The following DIP2A variants were observed in gnomAD, a reference collection of about 807,000 sequenced individuals.
DIP2A encodes the protein DIP2 acetate--CoA ligase A.
DIP2A carries 85 observed loss-of-function variants against 177.4 expected under a neutral mutation model. The observed-to-expected ratio is 0.48, with a 90% CI of 0.40 to 0.57. The LOEUF (loss-of-function observed/expected upper bound fraction) is 0.57, where lower values mean the gene tolerates loss of function less well. Ranked by LOEUF, DIP2A falls within the 20% of genes least tolerant of loss-of-function variation. The pLI is 0.00. For synonymous variants in DIP2A, 886 were observed against 881.8 expected, an observed-to-expected ratio of 1.00 and a Z score of -0.08; for missense variants, 1,791 against 2,100.2, an observed-to-expected ratio of 0.85 and a Z score of 2.88.
rs570508954 is a variant in DIP2A, at chr21:46,467,022, C to T, written c.91+7800C>T. Among the ~76,000 whole-genome samples, 55 of 152,092 alleles carry T rather than the reference C, an allele frequency of 3.6e-4. 1 individual carries two copies. The South Asian group carries it at 9.8e-3, about 27-fold the overall frequency. On this transcript the variant is annotated intron_variant, in intron 1 of 37. Transcript: ENST00000417564. ...AAAATTTTAAATGAGTTAGGCCGGG[C>T]GCGGTGGCTCACGCCTGTAATCCCA...
At chr21:46,561,043 G>A (rs921169658) in intron 33 of DIP2A, 23 of 976,990 alleles carry the variant, frequency 2.4e-5, no homozygotes, top group South Asian at 4.7e-5. Flanking sequence ...CTGTGCGCCC[G>A]TGTCCCCAGG....
chr21:46,504,244 A>G (rs745593610), intron 5 of DIP2A, 117 bp from the exon 6 acceptor site: 4 of 1,370,606 alleles, frequency 2.9e-6, no homozygotes, highest in East Asian at 2.5e-5. Flanking sequence ...AAAATACCAC[A>G]CTCTCCCCAC....
At position 46,563,401 on chromosome 21, in the gene DIP2A, G is replaced by A. The variant is rs1300207243; in HGVS notation, c.4090-457G>A. The stretch of plus-strand genomic sequence containing the variant: ...TGGTGGCCTCTTGCCGTCCTGAATT[G>A]GCACAGAGCCAGTGCTCAGTGGTTG... On this transcript the variant is annotated intron_variant, in intron 34 of 37. Coordinates refer to ENST00000417564, the MANE Select transcript of DIP2A (RefSeq NM_015151.4). This position sits in a 1 kb window ranked among gnomAD's most constrained non-coding sequence, Gnocchi z 4.3. 6.6e-6 allele frequency among the ~76,000 whole-genome samples: 1 copy of A among 152,198 alleles called. No homozygotes were observed. The highest frequency in any genetic ancestry group is 1.9e-4 in the East Asian group (1 of 5,180).
chr21:46,470,065 C>T (rs930374861), intron 1 of DIP2A, among the ~76,000 whole-genome samples: 15 of 152,200 alleles, frequency 9.9e-5, no homozygotes, highest in East Asian at 5.8e-4. Context: ...AGGCCAGGTG[C>T]GGTGGCTCAC....
chr21:46,573,605 CTG>C (rs1372574331), downstream of DIP2A, among the ~76,000 whole-genome samples: 2 of 121,260 alleles, frequency 1.6e-5, no homozygotes, highest in Non-Finnish European at 3.2e-5. Flanking sequence ...GATCACAACA[CTG>C]TACTCCAGCC....
chr21:46,491,280 T>C (rs918076525), intron 3 of DIP2A, among the ~76,000 whole-genome samples: 60 of 152,328 alleles, frequency 3.9e-4, no homozygotes, highest in Non-Finnish European at 7.9e-4. Flanking sequence ...ACGTTATCTA[T>C]TTAATATTTT....
intron 32 of DIP2A, chr21:46,558,657 A>C (rs796344272): frequency 5.5e-5 from 27 of 493,956 alleles, no homozygotes; most frequent in African/African-American, 5.0e-4. Context: ...TCTAAGTTAG[A>C]TATAAAACAC....
intron 1 of DIP2A, among the ~76,000 whole-genome samples, chr21:46,463,531 G>A (rs555282512): frequency 9.9e-5 from 15 of 152,110 alleles, no homozygotes; most frequent in Non-Finnish European, 1.5e-4. Flanking sequence ...TCTTTTTCTT[G>A]ATTTCTTATA....
rs375308812 is a variant in DIP2A, at chr21:46,487,303, A to G, written c.163+2475A>G. 3.7e-4 allele frequency among the ~76,000 whole-genome samples: 57 copies of G among 152,368 alleles called. No individual in the cohort carries two copies. In the South Asian group the frequency reaches 0.011, roughly 29 times the overall value. On this transcript the variant is annotated intron_variant, in intron 2 of 37. Transcript: ENST00000417564. ...ATATGCTGATATTTATTCACCCAAA[A>G]TAAAAACAAACTCAGAGTAAAATTG...
Position 46,561,530 on chromosome 21 carries a change from TG to T in DIP2A, c.4032-214del, listed in dbSNP as rs1012574571. The T allele has an allele frequency of 3.5e-4, 228 of 651,766 alleles. 2 individuals carry two copies. Among genetic ancestry groups the T allele is most frequent in the Admixed American group, 1.1e-3 (51 of 45,200 alleles). 40.4% of individuals were successfully genotyped at this position (651,766 alleles called of 1,614,324 possible). ...TGTAGAGTGAGCTGCTGTGAGCACA[TG>T]GGGTGGGTGGCGAGTGCATGCGGGT... On this transcript the variant is annotated intron_variant, in intron 33 of 37. Coordinates refer to ENST00000417564, the MANE Select transcript of DIP2A (RefSeq NM_015151.4).
In DIP2A at chr21:46,563,836, G is replaced by A. The variant is rs1222076781; in HGVS notation, c.4090-22G>A. The A allele has an allele frequency of 4.3e-6, 7 of 1,611,928 alleles. No individual in the cohort carries two copies. Among genetic ancestry groups the A allele is most frequent in the Non-Finnish European group, 5.9e-6 (7 of 1,179,396 alleles). The stretch of plus-strand genomic sequence containing the variant: ...TCGTGTCATGTTTTCTTTAACAAGG[G>A]ACATAGCTCTCCTCCTTCCAGATCC... On this transcript the variant is annotated intron_variant, in intron 34 of 37. Coordinates refer to ENST00000417564, the MANE Select transcript of DIP2A (RefSeq NM_015151.4). This position sits in a 1 kb window ranked among gnomAD's most constrained non-coding sequence, Gnocchi z 4.3.
the DIP2A span, among the ~76,000 whole-genome samples, chr21:46,577,168 C>G: frequency 6.6e-6 from 1 of 152,110 alleles, no homozygotes; most frequent in African/African-American, 2.4e-5. Context: ...GCTTTTGTTG[C>G]AATTGCTTTT....
At chr21:46,547,169 A>G (rs1160053158) in intron 21 of DIP2A, 127 bp downstream of exon 21, 2 of 1,450,642 alleles carry the variant, frequency 1.4e-6, no homozygotes, top group African/African-American at 2.8e-5. Context: ...TGTACATCAG[A>G]AAACTCCTAA....
At chr21:46,565,405 T>C (rs1447280681) in intron 35 of DIP2A, among the ~76,000 whole-genome samples, 2 of 152,198 alleles carry the variant, frequency 1.3e-5, no homozygotes, top group East Asian at 1.9e-4. Context: ...CCCTCTCTTA[T>C]TACCAACAAT....
chr21:46,511,779 C>T lies in DIP2A; in HGVS notation c.1102+165C>T, dbSNP rs182019002. Reference sequence around the variant, plus strand: ...CAGGTACCCATCCCACCGGAGGGGACCACTCACTGATGCATGGTGACTGCC... The same window carrying T: ...CAGGTACCCATCCCACCGGAGGGGATCACTCACTGATGCATGGTGACTGCC... On this transcript the variant is annotated intron_variant, in intron 8 of 37. Coordinates refer to ENST00000417564, the MANE Select transcript of DIP2A (RefSeq NM_015151.4). Among the ~76,000 whole-genome samples, 452 of 152,242 alleles carry T rather than the reference C, an allele frequency of 3.0e-3. 9 individuals are homozygous for T. The highest frequency in any genetic ancestry group is 4.6e-4 in the Non-Finnish European group (31 of 68,030).
At chr21:46,495,893 GA>G (rs2148512311) in intron 3 of DIP2A, among the ~76,000 whole-genome samples, 1 of 152,060 alleles carries the variant, frequency 6.6e-6, no homozygotes, top group East Asian at 2.0e-4. Flanking sequence ...CCAACATAGT[GA>G]AACCCCATCT....
In DIP2A at chr21:46,470,367, G is replaced by A. The variant is rs542205114; in HGVS notation, c.91+11145G>A. 3.3e-5 allele frequency among the ~76,000 whole-genome samples: 5 copies of A among 151,232 alleles called. No homozygotes were observed. The East Asian group carries it at 7.9e-4, about 24-fold the overall frequency. ...CACATGCCTGTAATCCCAGCTACTC[G>A]GAACGCTGAGGCGGGAGAATCACTT... On this transcript the variant is annotated intron_variant, in intron 1 of 37. Coordinates refer to ENST00000417564, the MANE Select transcript of DIP2A (RefSeq NM_015151.4).
chr21:46,478,458 T>C (rs562112050), intron 1 of DIP2A, among the ~76,000 whole-genome samples: 31 of 152,214 alleles, frequency 2.0e-4, no homozygotes, highest in African/African-American at 7.5e-4. Flanking sequence ...GTGATCTGCC[T>C]GCCTCGGCCT....
chr21:46,552,167 A>G (rs1407507318), intron 25 of DIP2A, among the ~76,000 whole-genome samples: 3 of 152,102 alleles, frequency 2.0e-5, no homozygotes, highest in Non-Finnish European at 4.4e-5. Context: ...ATTTCTATTG[A>G]TTTTGTGTTT....
Sources: gnomAD v4.1 joint callset for allele counts (sites outside exome capture counted in the v4.1 genomes callset) on GRCh38, gnomAD v4.1.1 for gene constraint, Gnocchi (gnomAD v3.1) non-coding constraint, MANE v1.5 for transcripts, NCBI Gene and HGNC (gene_info 2026-07-23, HGNC 2026-07-21) for gene names.